MTF1: variants seen among roughly 807,000 people sequenced by gnomAD.
The protein encoded by MTF1 is metal regulatory transcription factor 1, also known as MRE-binding transcription factor.
A neutral mutation model predicts 70.4 loss-of-function variants in MTF1; 22 were observed. That is an observed-to-expected ratio of 0.31 (90% CI 0.22 to 0.45). MTF1 has a LOEUF of 0.45. Among genes scored for constraint, MTF1 ranks in the 20% least tolerant of loss-of-function variants. MTF1 has a pLI of 1.00. For synonymous variants in MTF1, 333 were observed against 352.8 expected, an observed-to-expected ratio of 0.94 and a Z score of 0.63; for missense variants, 649 against 922.0, an observed-to-expected ratio of 0.70 and a Z score of 3.83.
intron 7 of MTF1, among the ~76,000 whole-genome samples, chr1:37,825,206 G>A (rs1373885394): frequency 1.3e-5 from 2 of 152,148 alleles, no homozygotes; most frequent in African/African-American, 2.4e-5. Context: ...ATGCAGGCCA[G>A]GGATTACCAG....
chr1:37,832,123 A>T (rs1310569069), intron 7 of MTF1, 122 bp downstream of exon 7: 1 of 623,842 alleles, frequency 1.6e-6, no homozygotes, highest in East Asian at 2.9e-5. Context: ...CTACATGGTC[A>T]GTAATTAAAC....
Position 37,809,684 on chromosome 1 carries a change from T to G in MTF1, c.*5452A>C, listed in dbSNP as rs1293969198. 2.0e-5 allele frequency: 3 copies of G among 153,136 alleles called. No individual in the cohort carries two copies. The highest frequency in any genetic ancestry group is 7.2e-5 in the African/African-American group (3 of 41,590). The allele number at this position is 153,136 out of a possible 1,614,324, so 9.5% of individuals were successfully genotyped here. ...ATATTTTAAAGTACAATATTAAGTT[T>G]ATACAAAATGAGCAATTAAGCAAAC... On this transcript the variant is annotated 3_prime_UTR_variant, in exon 11 of 11. Transcript: ENST00000373036.
chr1:37,853,163 T>C (rs992302107), intron 2 of MTF1, among the ~76,000 whole-genome samples: 2 of 152,124 alleles, frequency 1.3e-5, no homozygotes, highest in African/African-American at 4.8e-5. Flanking sequence ...GCCAGACCAA[T>C]CCTTCTAAAA....
chr1:37,859,510 G>A (rs1641570429), intron 1 of MTF1, 21 bp downstream of exon 1: 3 of 398,874 alleles, frequency 7.5e-6, no homozygotes, highest in South Asian at 2.5e-4. Context: ...AGCCCAGGCC[G>A]AGTCTAGTTT....
At chr1:37,846,641 G>T (rs576814062) in intron 2 of MTF1, among the ~76,000 whole-genome samples, 311 of 152,262 alleles carry the variant, frequency 2.0e-3, no homozygotes, top group Non-Finnish European at 3.8e-3. Context: ...TAACAAAGAT[G>T]ACTGCCTTGT....
chr1:37,848,860 G>C (rs1219245431), intron 2 of MTF1, among the ~76,000 whole-genome samples: 1 of 152,180 alleles, frequency 6.6e-6, no homozygotes. Flanking sequence ...TAAAAAGTCG[G>C]TAGTTCCCCT....
At chr1:37,843,019 CT>C (rs1015951411) in intron 2 of MTF1, among the ~76,000 whole-genome samples, 3 of 152,044 alleles carry the variant, frequency 2.0e-5, no homozygotes, top group Admixed American at 6.6e-5. Flanking sequence ...TTGATAAAGT[CT>C]TTTTGTTTTT....
chr1:37,811,486 G>GTA lies in MTF1; in HGVS notation c.*3648_*3649dup, dbSNP rs1442149540. 12 of 152,586 alleles carry GTA rather than the reference G, an allele frequency of 7.9e-5. No individual in the cohort carries two copies. The highest frequency in any genetic ancestry group is 1.6e-4 in the Non-Finnish European group (11 of 68,034). 9.5% of individuals were successfully genotyped at this position (152,586 alleles called of 1,614,324 possible). A position where few individuals can be genotyped will look rare whatever the true frequency, so the allele number is the denominator to read the frequency against. ...AGCAAAAAATAAAACTTTGTGGAAA[G>GTA]TATATATATGTATATATACACACAA... is the stretch of plus-strand genomic sequence containing the variant. On this transcript the variant is annotated 3_prime_UTR_variant, in exon 11 of 11. Transcript: ENST00000373036.
intron 3 of MTF1, 38 bp from the exon 4 acceptor site, chr1:37,838,794 A>ATTCTTTTTTTTTT: frequency 2.0e-6 from 1 of 501,750 alleles, no homozygotes. Context: ...TTGTCATAAA[A>ATTCTTTTTTTTTT]TTCTTTTTTT....
At position 37,822,600 on chromosome 1, in the gene MTF1, G is replaced by T. The variant is rs914268855; in HGVS notation, c.1288C>A (p.Pro430Thr). The part of the protein sequence containing the change: ...PLVLQPGLSE[P>T]PQPLLPASAP... Reference sequence around the variant, plus strand: ...GAGGCAGGTAGTAGAGGCTGGGGTGGCTCGGAGAGGCCAGGTTGCAGTACA... The same window carrying T: ...GAGGCAGGTAGTAGAGGCTGGGGTGTCTCGGAGAGGCCAGGTTGCAGTACA... The change falls in exon 9 of 11, where the codon CCA (proline) becomes ACA (threonine). Residue 430 changes from proline (P) to threonine (T), a missense_variant. By Grantham distance (38) the Pro-to-Thr change is conservative. Transcript: ENST00000373036. 34 of 1,613,864 alleles carry T rather than the reference G, an allele frequency of 2.1e-5. No homozygotes were observed. Among genetic ancestry groups the T allele is most frequent in the Non-Finnish European group, 2.7e-5 (32 of 1,180,024 alleles).
chr1:37,835,806 C>A, intron 4 of MTF1, 62 bp from the exon 5 acceptor site: 2 of 1,052,824 alleles, frequency 1.9e-6, no homozygotes, highest in Non-Finnish European at 2.7e-6. Context: ...TCCTGAACGT[C>A]TTTTTTTTTT....
At chr1:37,824,630 G>A (rs565007505) in intron 7 of MTF1, among the ~76,000 whole-genome samples, 29 of 152,230 alleles carry the variant, frequency 1.9e-4, no homozygotes, top group African/African-American at 5.8e-4. Flanking sequence ...CCTGGGAGGC[G>A]GAGGTTGCAG....
rs936180585 is a variant in MTF1, at chr1:37,825,610, T to C, written c.1069-1798A>G. ...AAGTACAGCTGACCCTTGAACAACA[T>C]GCATTTGAACTGCACAAGTGGACTT... On this transcript the variant is annotated intron_variant, in intron 7 of 10. Coordinates refer to ENST00000373036, the MANE Select transcript of MTF1 (RefSeq NM_005955.3). Among the ~76,000 whole-genome samples, 13 of 152,152 alleles carry C rather than the reference T, an allele frequency of 8.5e-5. No homozygotes were observed. In the South Asian group the frequency reaches 1.4e-3, roughly 17 times the overall value.
chr1:37,813,994 CT>C lies in MTF1; in HGVS notation c.*1141del, dbSNP rs774883286. 17,078 of 134,976 alleles carry C rather than the reference CT, an allele frequency of 0.13. 1,112 individuals are homozygous for C. The highest frequency in any genetic ancestry group is 0.17 in the Non-Finnish European group (10,639 of 62,038). 8.4% of individuals were successfully genotyped at this position (134,976 alleles called of 1,614,324 possible). ...AGTAGAAGATCATCGTTTTGTGTTT[CT>C]TTTTTTTTTTTTTTTAAATAAATCA... On this transcript the variant is annotated 3_prime_UTR_variant, in exon 11 of 11. Transcript: ENST00000373036.
chr1:37,835,817 T>C lies in MTF1; in HGVS notation c.780-73A>G. Reference sequence around the variant, plus strand: ...TTTATCCTGAACGTCTTTTTTTTTTTTGAGATCGAGTCTCGCTCTGTCCCC... The same window carrying C: ...TTTATCCTGAACGTCTTTTTTTTTTCTGAGATCGAGTCTCGCTCTGTCCCC... On this transcript the variant is annotated intron_variant, in intron 4 of 10. Transcript: ENST00000373036. The C allele has an allele frequency of 2.3e-6, 3 of 1,320,384 alleles. No homozygotes were observed. In the South Asian group the frequency reaches 3.6e-5, roughly 16 times the overall value. 81.8% of individuals were successfully genotyped at this position (1,320,384 alleles called of 1,614,324 possible). A position where few individuals can be genotyped will look rare whatever the true frequency, so the allele number is the denominator to read the frequency against.
chr1:37,836,435 A>G (rs573709842), intron 4 of MTF1, among the ~76,000 whole-genome samples: 1 of 152,316 alleles, frequency 6.6e-6, no homozygotes, highest in South Asian at 2.1e-4. Context: ...GCAATGTAAC[A>G]TAAGAACAAA....
chr1:37,839,483 C>T (rs114293298), intron 3 of MTF1, among the ~76,000 whole-genome samples: 1 of 152,278 alleles, frequency 6.6e-6, no homozygotes, highest in African/African-American at 2.4e-5. Flanking sequence ...TCTCCTGATA[C>T]AAACGTGAAA....
intron 2 of MTF1, among the ~76,000 whole-genome samples, chr1:37,852,469 C>G (rs966075160): frequency 6.6e-6 from 1 of 152,162 alleles, no homozygotes; most frequent in African/African-American, 2.4e-5. Flanking sequence ...AGCATGCACA[C>G]AGCACTTCGA....
chr1:37,857,155 A>G, intron 2 of MTF1, 96 bp downstream of exon 2: 1 of 1,236,150 alleles, frequency 8.1e-7, no homozygotes, highest in Non-Finnish European at 1.1e-6. Flanking sequence ...TCCTAACCCC[A>G]TGCACTCCTT....
Sources: gnomAD v4.1 joint callset for allele counts (sites outside exome capture counted in the v4.1 genomes callset) on GRCh38, gnomAD v4.1.1 for gene constraint, MANE v1.5 for transcripts, NCBI Gene and HGNC (gene_info 2026-07-23, HGNC 2026-07-21) for gene names.